Variants in ELF2 observed in about 807,000 individuals in gnomAD.
ELF2 encodes the protein E74 like ETS transcription factor 2, also known as ETS-related transcription factor Elf-2.
A neutral mutation model predicts 54.8 loss-of-function variants in ELF2; 11 were observed. That is an observed-to-expected ratio of 0.20 (90% CI 0.13 to 0.33). ELF2 has a LOEUF of 0.33. Among genes scored for constraint, ELF2 ranks in the 10% least tolerant of loss-of-function variants. The pLI is 1.00. For synonymous variants in ELF2, 203 were observed against 245.1 expected, an observed-to-expected ratio of 0.83 and a Z score of 1.61; for missense variants, 513 against 703.0, an observed-to-expected ratio of 0.73 and a Z score of 3.06.
chr4:139,061,757 C>T (rs1727892288), intron 8 of ELF2, 108 bp downstream of exon 8: 5 of 1,316,446 alleles, frequency 3.8e-6, no homozygotes, highest in African/African-American at 1.5e-5. Flanking sequence ...TAGAATATCC[C>T]CCAAAGTTAA....
chr4:139,069,427 AT>A (rs1729196451), intron 6 of ELF2, among the ~76,000 whole-genome samples: 1 of 152,240 alleles, frequency 6.6e-6, no homozygotes, highest in Non-Finnish European at 1.5e-5. Context: ...CTCAATGTAA[AT>A]AATATTTATA....
At chr4:139,101,551 T>TA (rs1733877193) in intron 4 of ELF2, 1 of 152,216 alleles carries the variant, frequency 6.6e-6, no homozygotes, top group Admixed American at 6.5e-5. Context: ...ATTCTTTTTG[T>TA]AAAGTGCTTG....
intron 3 of ELF2, among the ~76,000 whole-genome samples, chr4:139,130,032 T>C (rs535757882): frequency 6.6e-6 from 1 of 151,994 alleles, no homozygotes; most frequent in Admixed American, 6.6e-5. Context: ...TAAGACAAGA[T>C]AATTAAGATG....
At chr4:139,060,758 G>A (rs1160176263) in intron 8 of ELF2, 84 bp from the exon 9 acceptor site, 3 of 1,111,676 alleles carry the variant, frequency 2.7e-6, no homozygotes, top group Admixed American at 4.7e-5. Flanking sequence ...CACATACAGT[G>A]GATACTAACA....
At chr4:139,092,965 A>T (rs1051264399) in intron 4 of ELF2, among the ~76,000 whole-genome samples, 355 of 136,638 alleles carry the variant, frequency 2.6e-3, no homozygotes, top group East Asian at 0.018. Context: ...ATAGTAAATA[A>T]TTTTTTTTTT....
In ELF2 at chr4:139,057,594, TTAAAGTGTTTTACAAATA is replaced by T. The variant is rs1445301887; in HGVS notation, c.*1371_*1388del. The T allele has an allele frequency of 6.6e-6, 1 of 152,208 alleles. No homozygotes were observed. The highest frequency in any genetic ancestry group is 1.5e-5 in the Non-Finnish European group (1 of 68,030). The allele number at this position is 152,208 out of a possible 1,614,324, so 9.4% of individuals were successfully genotyped here. A position where few individuals can be genotyped will look rare whatever the true frequency, so the allele number is the denominator to read the frequency against. On this transcript the variant is annotated 3_prime_UTR_variant, in exon 10 of 10. Coordinates refer to ENST00000686138, the MANE Select transcript of ELF2 (RefSeq NM_001331036.3). ...AAGGTCTGATTGTGAAACAAATGGT[TTAAAGTGTTTTACAAATA>T]TAAATTCTTTAAGTGCAGCCAACTA...
intron 4 of ELF2, among the ~76,000 whole-genome samples, chr4:139,090,776 G>C (rs1011604816): frequency 2.5e-4 from 38 of 152,202 alleles, no homozygotes; most frequent in Admixed American, 2.3e-3. Flanking sequence ...TGTATTTTTA[G>C]TGGAGCTGGG....
Position 139,058,206 on chromosome 4 carries a change from A to G in ELF2, c.*777T>C, listed in dbSNP as rs1204908634. ...TAATTTGTCCACAATTAAGAAACTG[A>G]CAGACTTAAACTACCATATAAAATG... On this transcript the variant is annotated 3_prime_UTR_variant, in exon 10 of 10. Transcript: ENST00000686138. 6.6e-6 allele frequency: 1 copy of G among 152,380 alleles called. No homozygotes were observed. Among genetic ancestry groups the G allele is most frequent in the Non-Finnish European group, 1.5e-5 (1 of 68,008 alleles). 9.4% of individuals were successfully genotyped at this position (152,380 alleles called of 1,614,324 possible). A position where few individuals can be genotyped will look rare whatever the true frequency, so the allele number is the denominator to read the frequency against.
intron 1 of ELF2, among the ~76,000 whole-genome samples, chr4:139,139,783 C>T (rs1251033690): frequency 6.6e-6 from 1 of 151,990 alleles, no homozygotes; most frequent in East Asian, 1.9e-4. Context: ...GCATTTCAAA[C>T]AGGTTCTTTT....
At chr4:139,145,558 T>TA (rs1262926421) in intron 1 of ELF2, among the ~76,000 whole-genome samples, 1 of 152,184 alleles carries the variant, frequency 6.6e-6, no homozygotes, top group Non-Finnish European at 1.5e-5. Flanking sequence ...ATCACCCTGA[T>TA]ACCAAAGCCA....
chr4:139,082,500 A>G (rs540934002), intron 4 of ELF2, among the ~76,000 whole-genome samples: 1 of 152,272 alleles, frequency 6.6e-6, no homozygotes, highest in Non-Finnish European at 1.5e-5. Flanking sequence ...TGAAACACAT[A>G]TTTTTACATT....
intron 4 of ELF2, among the ~76,000 whole-genome samples, chr4:139,074,894 C>G (rs945161285): frequency 6.6e-6 from 1 of 152,154 alleles, no homozygotes; most frequent in Non-Finnish European, 1.5e-5. Flanking sequence ...ATTTTGGTAT[C>G]TGCCAGGTGG....
At chr4:139,084,220 A>T in intron 4 of ELF2, 1 of 1,612,306 alleles carries the variant, frequency 6.2e-7, no homozygotes, top group South Asian at 1.1e-5. Flanking sequence ...CTGCTGCTTC[A>T]CATTGACTTA....
intron 1 of ELF2, among the ~76,000 whole-genome samples, chr4:139,152,181 TATA>T (rs934341820): frequency 6.6e-6 from 1 of 152,186 alleles, no homozygotes; most frequent in African/African-American, 2.4e-5. Context: ...CTCATAAAAA[TATA>T]AGAGTGAATT....
chr4:139,165,738 T>C (rs1741650425), intron 1 of ELF2, among the ~76,000 whole-genome samples: 1 of 152,196 alleles, frequency 6.6e-6, no homozygotes, highest in African/African-American at 2.4e-5. Flanking sequence ...CTGGACCTTC[T>C]CAAAGATTTC....
chr4:139,175,150 A>G (rs1742776629), intron 1 of ELF2, among the ~76,000 whole-genome samples: 1 of 152,242 alleles, frequency 6.6e-6, no homozygotes, highest in South Asian at 2.1e-4. Context: ...TTACTCCTCC[A>G]AAAATGGTAT....
At chr4:139,084,127 C>T (rs1316164474) in intron 4 of ELF2, 1 of 1,613,472 alleles carries the variant, frequency 6.2e-7, no homozygotes, top group Non-Finnish European at 8.5e-7. Flanking sequence ...GTTCCCCTGT[C>T]CTTACCGGCC....
At chr4:139,061,177 AT>A (rs554564096) in intron 8 of ELF2, among the ~76,000 whole-genome samples, 3,048 of 139,990 alleles carry the variant, frequency 0.022, 71 homozygotes, top group African/African-American at 0.063. Context: ...CAAACTGATA[AT>A]TTTTTTTTTT....
chr4:139,115,378 G>A, intron 4 of ELF2: 2 of 1,043,778 alleles, frequency 1.9e-6, no homozygotes, highest in Non-Finnish European at 2.3e-6. Context: ...CCGCCATGGC[G>A]GCCGCCGGGG....
Sources: allele counts gnomAD v4.1 joint callset (sites outside exome capture counted in the v4.1 genomes callset), GRCh38; gene constraint gnomAD v4.1.1; transcripts MANE v1.5; gene names NCBI Gene and HGNC (gene_info 2026-07-23, HGNC 2026-07-21).